The following C4orf54 variants were observed in gnomAD, a reference collection of about 807,000 sequenced individuals.
C4orf54 encodes chromosome 4 open reading frame 54.
In C4orf54, 67 loss-of-function variants were observed where a neutral mutation model predicts 80.1. That is an observed-to-expected ratio of 0.84 (90% CI 0.69 to 1.03). The LOEUF (loss-of-function observed/expected upper bound fraction) is 1.03. Among genes scored for constraint, C4orf54 ranks in the 50% least tolerant of loss-of-function variants. The pLI is 0.00. For synonymous variants in C4orf54, 1,000 were observed against 917.0 expected (o/e 1.09, Z -1.64); for missense variants, 2,434 against 2,253.5 (o/e 1.08, Z -1.62).
At position 99,649,297 on chromosome 4, in the gene C4orf54, G is replaced by C; in HGVS notation, c.5352C>G (p.Thr1784=). ...RIIAPPSFDG[T]TMSFVVEHR ...TGTGTTCTACCACAAAGCTCATGGT[G>C]GTGCCATCAAAGGAAGGGGGAGCAA... is the stretch of plus-strand genomic sequence containing the variant. The change falls in exon 2 of 3, where the codon ACC becomes ACG. Residue 1784 remains threonine, a synonymous_variant. Transcript: ENST00000511828. 6.5e-7 allele frequency: 1 copy of C among 1,533,010 alleles called. No individual in the cohort carries two copies. 95.0% of individuals were successfully genotyped at this position (1,533,010 alleles called of 1,614,324 possible).
In C4orf54 at chr4:99,645,410, T is replaced by TAAAGAA. The variant is rs1237730889; in HGVS notation, c.*36+3820_*36+3821insTTCTTT. 1.5e-3 allele frequency among the ~76,000 whole-genome samples: 85 copies of TAAAGAA among 55,880 alleles called. 1 individual carries two copies. The highest frequency in any genetic ancestry group is 4.4e-3 in the African/African-American group (55 of 12,502). The allele number at this position is 55,880 out of a possible 152,430, so 36.7% of individuals were successfully genotyped here. ...GAAATGAAGAAACAAAGGCTTACAGTAAAAAAAAAAAAAAAAAAAAAAGAA... is the reference window on the plus strand; with the variant it reads ...GAAATGAAGAAACAAAGGCTTACAGTAAAGAAAAAAAAAAAAAAAAAAAAAAAAGAA... On this transcript the variant is annotated intron_variant, in intron 2 of 2. Transcript: ENST00000511828.
Position 99,649,335 on chromosome 4 carries a change from C to T in C4orf54, c.5314G>A (p.Gly1772Arg). 1.3e-6 allele frequency: 2 copies of T among 1,536,040 alleles called. No individual in the cohort carries two copies. Among genetic ancestry groups the T allele is most frequent in the Admixed American group, 2.0e-5 (1 of 50,998 alleles). Residue 1772 changes from glycine (G) to arginine (R), a missense_variant, in exon 2 of 3, where the codon GGG becomes AGG. Coordinates refer to ENST00000511828, the MANE Select transcript of C4orf54 (RefSeq NM_001354435.2). ...PVISITSQPL[G>R]PRIIAPPSFD... ...GAAGGGGGAGCAATGATCCGTGGCCCCAGGGGCTGCGAAGTAATGCTGATG... is the reference window on the plus strand; with the variant it reads ...GAAGGGGGAGCAATGATCCGTGGCCTCAGGGGCTGCGAAGTAATGCTGATG...
In C4orf54 at chr4:99,649,281, C is replaced by G. The variant is rs1484417579; in HGVS notation, c.5368G>C (p.Val1790Leu). Residue 1790 changes from valine (V) to leucine (L), a missense_variant, in exon 2 of 3, where the codon GTA (valine) becomes CTA (leucine). Val to Leu is a conservative substitution (Grantham distance 32). Transcript: ENST00000511828. ...SFDGTTMSFV[V>L]EHR ...GTGGCTGCTCATCATCTGTGTTCTACCACAAAGCTCATGGTGGTGCCATCA... is the reference window on the plus strand; with the variant it reads ...GTGGCTGCTCATCATCTGTGTTCTAGCACAAAGCTCATGGTGGTGCCATCA... 2.0e-6 allele frequency: 3 copies of G among 1,523,952 alleles called. No individual in the cohort carries two copies. Among genetic ancestry groups the G allele is most frequent in the Non-Finnish European group, 2.6e-6 (3 of 1,138,990 alleles). 94.4% of individuals were successfully genotyped at this position (1,523,952 alleles called of 1,614,324 possible).
Position 99,640,797 on chromosome 4 carries a change from C to G in C4orf54, c.*436G>C, listed in dbSNP as rs981624004. ...TATTCCAAGAAACTATAAGGAGATT[C>G]GTGATCCAAATTACTCATTTACTAG... On this transcript the variant is annotated 3_prime_UTR_variant, in exon 3 of 3. Coordinates refer to ENST00000511828, the MANE Select transcript of C4orf54 (RefSeq NM_001354435.2). The G allele has an allele frequency of 1.8e-4, 27 of 152,100 alleles. No individual in the cohort carries two copies. Among genetic ancestry groups the G allele is most frequent in the African/African-American group, 5.8e-4 (24 of 41,422 alleles). The allele number at this position is 152,100 out of a possible 1,614,324, so 9.4% of individuals were successfully genotyped here. A position where few individuals can be genotyped will look rare whatever the true frequency, so the allele number is the denominator to read the frequency against.
intron 2 of C4orf54, among the ~76,000 whole-genome samples, chr4:99,643,792 A>ACACACACCC (rs61130907): frequency 3.2e-4 from 32 of 98,894 alleles, no homozygotes; most frequent in Admixed American, 1.9e-3. Flanking sequence ...ACACACACAC[A>ACACACACCC]CCCCCTCCGC....
intron 2 of C4orf54, among the ~76,000 whole-genome samples, chr4:99,643,787 CACA>C (rs1560634894): frequency 6.2e-5 from 8 of 128,634 alleles, no homozygotes; most frequent in African/African-American, 1.0e-4. Flanking sequence ...CACACACACA[CACA>C]CACCCCCTCC....
In C4orf54 at chr4:99,637,301, G is replaced by A. The variant is rs909249650; in HGVS notation, c.*3932C>T. On this transcript the variant is annotated 3_prime_UTR_variant, in exon 3 of 3. Transcript: ENST00000511828. ...CAACACGAAATACTGAATGTTAATA[G>A]CTTACAAACGCTGCTCTGAACATTC... 1.3e-5 allele frequency: 2 copies of A among 152,184 alleles called. No individual in the cohort carries two copies. The highest frequency in any genetic ancestry group is 2.9e-5 in the Non-Finnish European group (2 of 68,038). 9.4% of individuals were successfully genotyped at this position (152,184 alleles called of 1,614,324 possible). A position where few individuals can be genotyped will look rare whatever the true frequency, so the allele number is the denominator to read the frequency against.
chr4:99,647,818 A>G (rs1025520506), intron 2 of C4orf54, among the ~76,000 whole-genome samples: 5 of 152,186 alleles, frequency 3.3e-5, no homozygotes, highest in African/African-American at 1.2e-4. Flanking sequence ...TATTGTCCCT[A>G]CTAGAGGTGA....
At chr4:99,644,718 C>T (rs77193269) in intron 2 of C4orf54, among the ~76,000 whole-genome samples, 2,587 of 149,474 alleles carry the variant, frequency 0.017, 81 homozygotes, top group African/African-American at 0.061. Context: ...CCAGTCCTAC[C>T]CTTTAAGCTG....
At chr4:99,645,810 C>T (rs1164196324) in intron 2 of C4orf54, among the ~76,000 whole-genome samples, 1 of 152,206 alleles carries the variant, frequency 6.6e-6, no homozygotes, top group Non-Finnish European at 1.5e-5. Context: ...GCCTAGTACA[C>T]TGGTGTGTTG....
rs2110257047 is a variant in C4orf54, at chr4:99,653,535, C to T, written c.1114G>A (p.Glu372Lys). 1 of 1,536,138 alleles carries T rather than the reference C, an allele frequency of 6.5e-7. No homozygotes were observed. The highest frequency in any genetic ancestry group is 8.7e-7 in the Non-Finnish European group (1 of 1,146,910). Reference sequence around the variant, plus strand: ...TGTTCCACCTCACTCAGCTGGATCTCATGGGTGGTGATGTAGTGAGCCTCT... The same window carrying T: ...TGTTCCACCTCACTCAGCTGGATCTTATGGGTGGTGATGTAGTGAGCCTCT... ...VEEAHYITTH[E>K]IQLSEVEQDM... Residue 372 changes from glutamate to lysine, a missense_variant, in exon 2 of 3, where the codon GAG (glutamate) becomes AAG (lysine). By Grantham distance (56) the Glu-to-Lys change is moderately conservative. Coordinates refer to ENST00000511828, the MANE Select transcript of C4orf54 (RefSeq NM_001354435.2).
At chr4:99,654,783 T>G in intron 1 of C4orf54, 104 bp from the exon 2 acceptor site, 2 of 586,938 alleles carry the variant, frequency 3.4e-6, no homozygotes, top group South Asian at 4.3e-5. Flanking sequence ...GAGGCTCTAA[T>G]GAGATGAAAA....
At chr4:99,648,060 T>C (rs1726730678) in intron 2 of C4orf54, among the ~76,000 whole-genome samples, 2 of 151,832 alleles carry the variant, frequency 1.3e-5, no homozygotes, top group African/African-American at 4.8e-5. Context: ...TTCTTTTTTT[T>C]TTTTGGTTCA....
intron 2 of C4orf54, among the ~76,000 whole-genome samples, chr4:99,645,328 G>C (rs757171169): frequency 8.2e-5 from 12 of 146,148 alleles, no homozygotes; most frequent in Non-Finnish European, 1.5e-4. Context: ...AAATAACTCT[G>C]AGGGACTAAA....
At position 99,651,752 on chromosome 4, in the gene C4orf54, A is replaced by G. The variant is rs1017886981; in HGVS notation, c.2897T>C (p.Leu966Pro). 12 of 1,535,502 alleles carry G rather than the reference A, an allele frequency of 7.8e-6. No individual in the cohort carries two copies. The African/African-American group carries it at 1.2e-4, about 16-fold the overall frequency. The change falls in exon 2 of 3, where the codon CTG becomes CCG. Residue 966 changes from leucine (L) to proline (P), a missense_variant. Transcript: ENST00000511828. Reference protein sequence around the residue: ...EEQAPIGKLKLPKGGDWRADL... With the variant: ...EEQAPIGKLKPPKGGDWRADL... ...AGCCCGCCAGTCGCCTCCTTTGGGC[A>G]GCTTCAGCTTCCCTATAGGGGCTTG...
rs187649941 is a variant in C4orf54, at chr4:99,654,557, C to T, written c.92G>A (p.Arg31Gln). ...ADGIQTPRCC[R>Q]RCQANNWTGQ... is the part of the protein sequence containing the mutation. ...TGTCCAGTTGTTTGCCTGGCACCGT[C>T]GGCAGCAGCGAGGAGTCTGAATGCC... The change falls in exon 2 of 3, where the codon CGA (arginine) becomes CAA (glutamine). Residue 31 changes from arginine to glutamine, a missense_variant. Physicochemically the swap from Arg to Gln is conservative, Grantham distance 43 (BLOSUM62 1). Transcript: ENST00000511828. The T allele has an allele frequency of 1.4e-3, 992 of 703,056 alleles. 49 individuals are homozygous for T. The East Asian group carries it at 0.025, about 18-fold the overall frequency. The allele number at this position is 703,056 out of a possible 1,614,324, so 43.6% of individuals were successfully genotyped here. A position where few individuals can be genotyped will look rare whatever the true frequency, so the allele number is the denominator to read the frequency against.
chr4:99,651,487 G>T lies in C4orf54; in HGVS notation c.3162C>A (p.Ala1054=). ...TGAACAGGTTAGAGGCGCTGCCACCGGCCAGCTTGGGCGTGAGCAACTTGG... is the reference window on the plus strand; with the variant it reads ...TGAACAGGTTAGAGGCGCTGCCACCTGCCAGCTTGGGCGTGAGCAACTTGG... ...NIAKLLTPKL[A]GGSASNLFKT... The change falls in exon 2 of 3, where the codon GCC becomes GCA. Residue 1054 remains alanine, a synonymous_variant. Transcript: ENST00000511828. 1 of 1,536,192 alleles carries T rather than the reference G, an allele frequency of 6.5e-7. No homozygotes were observed. Among genetic ancestry groups the T allele is most frequent in the Non-Finnish European group, 8.7e-7 (1 of 1,146,898 alleles).
At chr4:99,655,722 G>A (rs1349590288) in intron 1 of C4orf54, among the ~76,000 whole-genome samples, 1 of 152,100 alleles carries the variant, frequency 6.6e-6, no homozygotes, top group African/African-American at 2.4e-5. Flanking sequence ...TGATTCCTTG[G>A]GTACTATCGG....
At chr4:99,646,192 C>A (rs972204349) in intron 2 of C4orf54, among the ~76,000 whole-genome samples, 3 of 152,102 alleles carry the variant, frequency 2.0e-5, no homozygotes, top group Non-Finnish European at 4.4e-5. Context: ...TGGAATGAAT[C>A]TTAAAGGTTA....
Sources: allele counts gnomAD v4.1 joint callset (sites outside exome capture counted in the v4.1 genomes callset), GRCh38; gene constraint gnomAD v4.1.1; transcripts MANE v1.5; gene names NCBI Gene and HGNC (gene_info 2026-07-23, HGNC 2026-07-21).